XRCC4: variants seen among roughly 807,000 people sequenced by gnomAD.
The protein encoded by XRCC4 is X-ray repair cross complementing 4, also known as DNA repair protein XRCC4.
In XRCC4, 28 loss-of-function variants were observed where a neutral mutation model predicts 39.1. The ratio of observed to expected loss-of-function variants is 0.72; its 90% confidence interval spans 0.53 to 0.98. The LOEUF (loss-of-function observed/expected upper bound fraction) is 0.98, where lower values mean the gene tolerates loss of function less well. Ranked by LOEUF, XRCC4 falls within the 50% of genes least tolerant of loss-of-function variation. The probability of loss-of-function intolerance (pLI) is 0.00; values close to 1 mark genes in which losing one functional copy is unlikely to be tolerated. For missense variants in XRCC4, 350 were observed against 376.4 expected (o/e 0.93, Z 0.58); for synonymous variants, 123 against 126.4 (o/e 0.97, Z 0.18).
At chr5:83,276,209 TA>T (rs1179008287) in intron 7 of XRCC4, among the ~76,000 whole-genome samples, 1 of 152,196 alleles carries the variant, frequency 6.6e-6, no homozygotes, top group Non-Finnish European at 1.5e-5. Flanking sequence ...ATTTTAATAA[TA>T]AAGTGTTGAA....
intron 1 of XRCC4, among the ~76,000 whole-genome samples, chr5:83,099,924 C>T (rs1745849506): frequency 1.3e-5 from 2 of 152,162 alleles, no homozygotes; most frequent in African/African-American, 4.8e-5. Context: ...TTTGCTCTTA[C>T]TGAATCTTAA....
intron 1 of XRCC4, among the ~76,000 whole-genome samples, chr5:83,101,483 A>C (rs1163486696): frequency 1.3e-5 from 2 of 152,058 alleles, no homozygotes; most frequent in African/African-American, 4.8e-5. Flanking sequence ...CATTGTTACA[A>C]ATAAGAGTAG....
intron 3 of XRCC4, among the ~76,000 whole-genome samples, chr5:83,165,128 A>G (rs1274136582): frequency 6.6e-6 from 1 of 152,090 alleles, no homozygotes; most frequent in East Asian, 1.9e-4. Flanking sequence ...TAATTTTTCT[A>G]TTCAAAATGA....
chr5:83,266,849 T>C (rs1753973780), intron 7 of XRCC4, among the ~76,000 whole-genome samples: 1 of 152,138 alleles, frequency 6.6e-6, no homozygotes, highest in Non-Finnish European at 1.5e-5. Flanking sequence ...ACCACCATTA[T>C]TGAATGTTTA....
At chr5:83,260,761 TA>T (rs1202030922) in intron 7 of XRCC4, among the ~76,000 whole-genome samples, 2 of 152,082 alleles carry the variant, frequency 1.3e-5, no homozygotes, top group Non-Finnish European at 2.9e-5. Flanking sequence ...CATGTTTAGG[TA>T]ATCATGTCAA....
chr5:83,320,927 T>G (rs151229575), intron 7 of XRCC4, among the ~76,000 whole-genome samples: 2,191 of 149,320 alleles, frequency 0.015, 53 homozygotes, highest in African/African-American at 0.051. Flanking sequence ...TTCTTCTGCC[T>G]CAGCCTCCCA....
intron 3 of XRCC4, among the ~76,000 whole-genome samples, chr5:83,142,969 C>T (rs188637020): frequency 1.3e-5 from 2 of 152,040 alleles, no homozygotes; most frequent in Admixed American, 1.3e-4. Flanking sequence ...AGTTGAGATA[C>T]AATGCTTATG....
intron 7 of XRCC4, among the ~76,000 whole-genome samples, chr5:83,349,933 AT>A (rs2112230032): frequency 6.6e-6 from 1 of 152,144 alleles, no homozygotes; most frequent in South Asian, 2.1e-4. Flanking sequence ...CCATGTAGTA[AT>A]CCCCAGTGTC....
At chr5:83,138,724 GTTTC>G (rs1748021215) in intron 3 of XRCC4, among the ~76,000 whole-genome samples, 2 of 151,952 alleles carry the variant, frequency 1.3e-5, no homozygotes, top group African/African-American at 4.8e-5. Flanking sequence ...TTAAAGGCAA[GTTTC>G]TTTATTTGTG....
At chr5:83,185,173 C>T (rs1031963900) in intron 3 of XRCC4, among the ~76,000 whole-genome samples, 1 of 151,776 alleles carries the variant, frequency 6.6e-6, no homozygotes, top group African/African-American at 2.4e-5. Context: ...TAGTGTAGGA[C>T]GTCTGAATGA....
intron 7 of XRCC4, chr5:83,310,737 A>T: frequency 4.4e-6 from 2 of 455,630 alleles, no homozygotes; most frequent in South Asian, 3.1e-5. Context: ...TGCAGGGGTT[A>T]TTCTGGATTA....
chr5:83,341,660 C>G (rs898611502), intron 7 of XRCC4, among the ~76,000 whole-genome samples: 21 of 152,042 alleles, frequency 1.4e-4, no homozygotes, highest in Admixed American at 1.2e-3. Context: ...ATGACCCCCC[C>G]ACTCCCATTA....
At chr5:83,280,250 C>A (rs1754489000) in intron 7 of XRCC4, 2 of 339,968 alleles carry the variant, frequency 5.9e-6, no homozygotes, top group Non-Finnish European at 5.8e-6. Context: ...AACCCAATTT[C>A]TAATTGTGTT....
intron 6 of XRCC4, among the ~76,000 whole-genome samples, chr5:83,240,213 T>C (rs1373000069): frequency 6.6e-6 from 1 of 152,022 alleles, no homozygotes; most frequent in Non-Finnish European, 1.5e-5. Context: ...ATATAGGACA[T>C]ATTCAAGGAA....
intron 7 of XRCC4, among the ~76,000 whole-genome samples, chr5:83,259,521 T>C (rs1236082325): frequency 6.6e-6 from 1 of 152,020 alleles, no homozygotes; most frequent in African/African-American, 2.4e-5. Flanking sequence ...TGGATTTTCT[T>C]ATATCCTTCA....
At chr5:83,263,307 A>C (rs113797695) in intron 7 of XRCC4, among the ~76,000 whole-genome samples, 2 of 151,306 alleles carry the variant, frequency 1.3e-5, no homozygotes, top group East Asian at 3.9e-4. Flanking sequence ...GTAAACATAC[A>C]TGTGCATGTG....
chr5:83,125,866 C>T (rs185292131), intron 3 of XRCC4, among the ~76,000 whole-genome samples: 28 of 151,830 alleles, frequency 1.8e-4, no homozygotes, highest in East Asian at 1.2e-3. Flanking sequence ...TCCTGTAATC[C>T]GAGCTACTTG....
At chr5:83,350,111 G>C (rs532159506) in intron 7 of XRCC4, among the ~76,000 whole-genome samples, 1 of 152,254 alleles carries the variant, frequency 6.6e-6, no homozygotes, top group South Asian at 2.1e-4. Context: ...TTTGGTGGCT[G>C]TGTAGTATTC....
Position 83,190,392 on chromosome 5 carries a change from T to TA in XRCC4, c.316-5377dup, listed in dbSNP as rs552732085. On this transcript the variant is annotated intron_variant, in intron 3 of 7. Transcript: ENST00000396027. ...TGTTTTTAGTATACATATATCTTGA[T>TA]ACAGCTAAATTTTTCTCTGATGTGA... 2.1e-3 allele frequency among the ~76,000 whole-genome samples: 316 copies of TA among 152,332 alleles called. 3 individuals carry two copies. The highest frequency in any genetic ancestry group is 9.0e-4 in the Non-Finnish European group (61 of 68,022).
Sources: allele counts gnomAD v4.1 joint callset (sites outside exome capture counted in the v4.1 genomes callset), GRCh38; gene constraint gnomAD v4.1.1; transcripts MANE v1.5; gene names NCBI Gene and HGNC (gene_info 2026-07-23, HGNC 2026-07-21).